The following TLCD3B variants were observed in gnomAD, a reference collection of about 807,000 sequenced individuals.
TLCD3B encodes the protein TLC domain containing 3B.
In TLCD3B, 9 loss-of-function variants were observed where a neutral mutation model predicts 23.0. That is an observed-to-expected ratio of 0.39 (90% CI 0.24 to 0.68). The LOEUF is 0.68. Among genes scored for constraint, TLCD3B ranks in the 30% least tolerant of loss-of-function variants. The pLI is 0.44. For synonymous variants in TLCD3B, 161 were observed against 161.0 expected, an observed-to-expected ratio of 1.00 and a Z score of 0.00; for missense variants, 307 against 371.8, an observed-to-expected ratio of 0.83 and a Z score of 1.43.
At chr16:30,036,314 A>T (rs764873556) in intron 3 of TLCD3B, 7 of 1,288,998 alleles carry the variant, frequency 5.4e-6, no homozygotes, top group Middle Eastern at 4.3e-4. Context: ...TTGTTCCATT[A>T]AAAAAGAAAA....
upstream of TLCD3B, among the ~76,000 whole-genome samples, chr16:30,034,973 G>A (rs181317862): frequency 3.3e-5 from 5 of 150,004 alleles, no homozygotes; most frequent in East Asian, 7.9e-4. Flanking sequence ...GTGCAGTGGC[G>A]CCATCTCAGC....
intron 3 of TLCD3B, among the ~76,000 whole-genome samples, chr16:30,040,147 A>AATATAT (rs1192651776): frequency 7.7e-4 from 74 of 95,900 alleles, no homozygotes; most frequent in South Asian, 2.1e-3. Flanking sequence ...AAAAAAAAAA[A>AATATAT]ATATATATAT....
intron 2 of TLCD3B, among the ~76,000 whole-genome samples, chr16:30,042,470 C>G (rs989219765): frequency 6.6e-6 from 1 of 152,050 alleles, no homozygotes; most frequent in African/African-American, 2.4e-5. Context: ...GTGATCCACC[C>G]GCTTTGGCCT....
chr16:30,050,648 GC>G (rs961748868), intron 1 of TLCD3B, among the ~76,000 whole-genome samples: 1 of 152,176 alleles, frequency 6.6e-6, no homozygotes, highest in African/African-American at 2.4e-5. Context: ...TGTTTTCTGG[GC>G]TTGAAACGCC....
Position 30,024,684 on chromosome 16 carries a change from AAAAT to A in TLCD3B, c.*495_*498del, listed in dbSNP as rs1190148269. 3 of 185,358 alleles carry A rather than the reference AAAAT, an allele frequency of 1.6e-5. No homozygotes were observed. The highest frequency in any genetic ancestry group is 7.1e-5 in the African/African-American group (3 of 42,412). The allele number at this position is 185,358 out of a possible 1,614,324, so 11.5% of individuals were successfully genotyped here. A position where few individuals can be genotyped will look rare whatever the true frequency, so the allele number is the denominator to read the frequency against. On this transcript the variant is annotated 3_prime_UTR_variant, in exon 5 of 5. Coordinates refer to ENST00000380495, the MANE Select transcript of TLCD3B (RefSeq NM_031478.6). ...CTAGTTCAAATTTGGGTAAATAAATAAAATAAATAAGATTCCTCAAGCTGGCCTA... is the reference window on the plus strand; with the variant it reads ...CTAGTTCAAATTTGGGTAAATAAATAAAATAAGATTCCTCAAGCTGGCCTA...
chr16:30,044,821 C>G (rs2071632595), intron 2 of TLCD3B, among the ~76,000 whole-genome samples: 1 of 152,152 alleles, frequency 6.6e-6, no homozygotes, highest in Non-Finnish European at 1.5e-5. Context: ...TGGCTCAAGC[C>G]TGTAATCCCA....
At chr16:30,036,547 G>A in intron 3 of TLCD3B, 1 of 566,406 alleles carries the variant, frequency 1.8e-6, no homozygotes, top group Non-Finnish European at 2.7e-6. Context: ...GCACGAGGCT[G>A]CTCTGTAGAG....
intron 1 of TLCD3B, among the ~76,000 whole-genome samples, chr16:30,051,716 T>C (rs559623784): frequency 6.6e-6 from 1 of 152,164 alleles, no homozygotes; most frequent in South Asian, 2.1e-4. Context: ...AAGTATCTTG[T>C]GAGAAGTGCG....
intron 2 of TLCD3B, among the ~76,000 whole-genome samples, chr16:30,027,446 G>A (rs534639094): frequency 9.7e-4 from 147 of 152,322 alleles, no homozygotes; most frequent in Non-Finnish European, 1.5e-3. Flanking sequence ...GGACATGGGC[G>A]GTGTGGCTCC....
intron 3 of TLCD3B, among the ~76,000 whole-genome samples, chr16:30,038,586 C>T (rs995960184): frequency 6.6e-6 from 1 of 152,148 alleles, no homozygotes; most frequent in East Asian, 1.9e-4. Context: ...CCCATCTCTA[C>T]TAAAAATACA....
Position 30,030,535 on chromosome 16 carries a change from C to G in TLCD3B, c.-8G>C. On this transcript the variant is annotated 5_prime_UTR_variant, in exon 1 of 5. Coordinates refer to ENST00000380495, the MANE Select transcript of TLCD3B (RefSeq NM_031478.6). ...CACCATCGGGGTCAGCATGGTGGCT[C>G]AGGACTTGGGCAGGGAGGCAGGCGG... is the stretch of plus-strand genomic sequence containing the variant. 1 of 1,571,900 alleles carries G rather than the reference C, an allele frequency of 6.4e-7. No homozygotes were observed.
intron 3 of TLCD3B, among the ~76,000 whole-genome samples, chr16:30,039,441 G>C (rs1362631403): frequency 6.6e-6 from 1 of 151,168 alleles, no homozygotes; most frequent in African/African-American, 2.4e-5. Flanking sequence ...ATATTCTTTT[G>C]AGACAGGGTC....
intron 2 of TLCD3B, among the ~76,000 whole-genome samples, chr16:30,042,180 C>T (rs2150994712): frequency 6.6e-6 from 1 of 152,218 alleles, no homozygotes; most frequent in East Asian, 1.9e-4. Context: ...GAGAAGGCAT[C>T]ATTGTCCTAA....
In TLCD3B at chr16:30,029,590, T is replaced by C; in HGVS notation, c.126-75A>G. The C allele has an allele frequency of 7.9e-7, 1 of 1,267,334 alleles. No homozygotes were observed. The allele number at this position is 1,267,334 out of a possible 1,614,324, so 78.5% of individuals were successfully genotyped here. A position where few individuals can be genotyped will look rare whatever the true frequency, so the allele number is the denominator to read the frequency against. On this transcript the variant is annotated intron_variant, in intron 1 of 4. Coordinates refer to ENST00000380495, the MANE Select transcript of TLCD3B (RefSeq NM_031478.6). The surrounding 1 kb of genome is among the most constrained non-coding windows in gnomAD (Gnocchi z 4.6). ...TGCCTTGATTTCTCCTCGTTGCTAGTCTAACGACTGCGCTTTGCGTTCAGC... is the reference window on the plus strand; with the variant it reads ...TGCCTTGATTTCTCCTCGTTGCTAGCCTAACGACTGCGCTTTGCGTTCAGC...
intron 2 of TLCD3B, among the ~76,000 whole-genome samples, chr16:30,045,578 GTA>G (rs1314507433): frequency 7.2e-6 from 1 of 137,940 alleles, no homozygotes; most frequent in Non-Finnish European, 1.6e-5. Flanking sequence ...GGTGTATGTG[GTA>G]TGTGTGTGGT....
Position 30,024,725 on chromosome 16 carries a change from A to AAT in TLCD3B, c.*457_*458insAT, listed in dbSNP as rs2071017979. On this transcript the variant is annotated 3_prime_UTR_variant, in exon 5 of 5. Coordinates refer to ENST00000380495, the MANE Select transcript of TLCD3B (RefSeq NM_031478.6). ...CTCAAGCTGGCCTACCCTGGAGAGG[A>AAT]GCCGTGGTTGCAGCCGGCCACTCGG... 5.3e-6 allele frequency: 1 copy of AAT among 188,314 alleles called. No individual in the cohort carries two copies. Among genetic ancestry groups the AAT allele is most frequent in the Non-Finnish European group, 1.1e-5 (1 of 93,084 alleles). 11.7% of individuals were successfully genotyped at this position (188,314 alleles called of 1,614,324 possible).
At chr16:30,035,215 TG>T, upstream of TLCD3B, 1 of 1,016,722 alleles carries the variant, frequency 9.8e-7, no homozygotes, top group Non-Finnish European at 1.3e-6. Flanking sequence ...CCCAGCCTGC[TG>T]GTGTCTTTTG....
At position 30,030,720 on chromosome 16, in the gene TLCD3B, G is replaced by T; in HGVS notation, c.-193C>A. On this transcript the variant is annotated 5_prime_UTR_variant, in exon 1 of 5. Transcript: ENST00000380495. ...CGATGAAACTGGGGAGTCGGGAGGG[G>T]GCTGGCTGGGCAGAGACGGGGGAGG... 1 of 1,218,270 alleles carries T rather than the reference G, an allele frequency of 8.2e-7. No homozygotes were observed. The highest frequency in any genetic ancestry group is 1.0e-6 in the Non-Finnish European group (1 of 973,620). The allele number at this position is 1,218,270 out of a possible 1,614,324, so 75.5% of individuals were successfully genotyped here.
intron 2 of TLCD3B, among the ~76,000 whole-genome samples, chr16:30,045,239 G>A (rs1242708908): frequency 6.6e-6 from 1 of 150,552 alleles, no homozygotes; most frequent in Non-Finnish European, 1.5e-5. Flanking sequence ...AGAGTAGCTT[G>A]TTCAGGGTGT....
Sources: gnomAD v4.1 joint callset for allele counts (sites outside exome capture counted in the v4.1 genomes callset) on GRCh38, gnomAD v4.1.1 for gene constraint, Gnocchi (gnomAD v3.1) non-coding constraint, MANE v1.5 for transcripts, NCBI Gene and HGNC (gene_info 2026-07-23, HGNC 2026-07-21) for gene names.